The following CNTN5 variants were observed in gnomAD, a reference collection of about 807,000 sequenced individuals.
The protein encoded by CNTN5 is contactin 5, also known as contactin-5.
A neutral mutation model predicts 129.1 loss-of-function variants in CNTN5; 77 were observed. The ratio of observed to expected loss-of-function variants is 0.60; its 90% CI spans 0.50 to 0.72. The LOEUF (loss-of-function observed/expected upper bound fraction) is 0.72. Among genes scored for constraint, CNTN5 ranks in the 30% least tolerant of loss-of-function variants. CNTN5 has a pLI of 0.00. For synonymous variants in CNTN5, 509 were observed against 465.6 expected (o/e 1.09, Z -1.20); for missense variants, 1,478 against 1,328.8 (o/e 1.11, Z -1.75).
At chr11:99,854,275 A>G (rs1201139008) in intron 6 of CNTN5, among the ~76,000 whole-genome samples, 5 of 152,204 alleles carry the variant, frequency 3.3e-5, no homozygotes, top group African/African-American at 1.2e-4. Context: ...GCAAAACACA[A>G]TTCTGACTAG....
At chr11:99,989,433 G>T (rs563633968) in intron 8 of CNTN5, among the ~76,000 whole-genome samples, 35 of 151,804 alleles carry the variant, frequency 2.3e-4, no homozygotes, top group Non-Finnish European at 3.7e-4. Context: ...CTTGGTGGCA[G>T]GTCATAAAAA....
At chr11:99,243,736 A>ATTTT (rs35250111) in intron 1 of CNTN5, among the ~76,000 whole-genome samples, 7 of 117,654 alleles carry the variant, frequency 5.9e-5, no homozygotes, top group African/African-American at 2.3e-4. Flanking sequence ...CCTATTGCTT[A>ATTTT]TTTTTTTTTT....
chr11:99,434,173 T>TGTGATG (rs1321935366), intron 2 of CNTN5, among the ~76,000 whole-genome samples: 4 of 152,170 alleles, frequency 2.6e-5, no homozygotes, highest in Admixed American at 2.0e-4. Flanking sequence ...ATTAAGACTA[T>TGTGATG]GTGATGTATT....
chr11:99,552,804 T>TTCTTTCTC (rs1190866424), intron 2 of CNTN5, among the ~76,000 whole-genome samples: 1 of 152,112 alleles, frequency 6.6e-6, no homozygotes, highest in Non-Finnish European at 1.5e-5. Context: ...TAATAGATAT[T>TTCTTTCTC]TCTTTCTCTC....
chr11:99,709,973 A>T (rs2134943743), intron 3 of CNTN5, among the ~76,000 whole-genome samples: 1 of 152,006 alleles, frequency 6.6e-6, no homozygotes, highest in East Asian at 1.9e-4. Context: ...TTTCTGCATA[A>T]GCTGTGTCTT....
intron 4 of CNTN5, among the ~76,000 whole-genome samples, chr11:99,830,543 C>G (rs1239597754): frequency 2.0e-5 from 3 of 152,088 alleles, no homozygotes; most frequent in Non-Finnish European, 2.9e-5. Context: ...TTGAGAGACA[C>G]AAGCACAAAA....
At chr11:100,309,083 G>T (rs951247785) in intron 21 of CNTN5, 2 of 984,950 alleles carry the variant, frequency 2.0e-6, no homozygotes, top group Non-Finnish European at 2.4e-6. Flanking sequence ...ATGATAACAA[G>T]GTTTGGCTTC....
At chr11:99,070,460 G>T (rs1865297357) in intron 1 of CNTN5, among the ~76,000 whole-genome samples, 1 of 151,986 alleles carries the variant, frequency 6.6e-6, no homozygotes, top group South Asian at 2.1e-4. Flanking sequence ...AACAGCCTGA[G>T]CCCCTATATC....
At chr11:99,188,142 T>G (rs1273088186) in intron 1 of CNTN5, among the ~76,000 whole-genome samples, 3 of 151,884 alleles carry the variant, frequency 2.0e-5, no homozygotes, top group Non-Finnish European at 1.5e-5. Flanking sequence ...ATTAGTTATA[T>G]ATCATACAGG....
chr11:99,552,386 G>C (rs955174652), intron 2 of CNTN5, among the ~76,000 whole-genome samples: 73 of 152,160 alleles, frequency 4.8e-4, no homozygotes, highest in African/African-American at 1.7e-3. Context: ...CCATGGATAT[G>C]ACATTCTAGT....
At chr11:100,004,490 C>T in intron 9 of CNTN5, among the ~76,000 whole-genome samples, 1 of 152,218 alleles carries the variant, frequency 6.6e-6, no homozygotes, top group Non-Finnish European at 1.5e-5. Flanking sequence ...TTTTTAATCC[C>T]TTTTTTACAG....
chr11:99,506,811 T>G (rs573771743), intron 2 of CNTN5, among the ~76,000 whole-genome samples: 2 of 152,322 alleles, frequency 1.3e-5, no homozygotes, highest in Middle Eastern at 6.8e-3. Context: ...AGTCACTACA[T>G]TATTTGTTAT....
At chr11:100,090,758 T>C (rs896174212) in intron 13 of CNTN5, among the ~76,000 whole-genome samples, 2 of 151,820 alleles carry the variant, frequency 1.3e-5, no homozygotes, top group Non-Finnish European at 2.9e-5. Flanking sequence ...ATATCTATCA[T>C]TGATTTATAT....
At position 99,247,626 on chromosome 11, in the gene CNTN5, A is replaced by G. The variant is rs1861880776; in HGVS notation, c.-209-77720A>G. On this transcript the variant is annotated intron_variant, in intron 1 of 24. Transcript: ENST00000524871. ...TCCCTCCCCCTTTCCCCCATCCCAC[A>G]ACAGGCCCTGGTGTGTGATGTTCCC... 4.0e-5 allele frequency among the ~76,000 whole-genome samples: 6 copies of G among 151,520 alleles called. No homozygotes were observed. In the South Asian group the frequency reaches 1.2e-3, roughly 31 times the overall value.
chr11:99,134,394 C>A (rs545845864), intron 1 of CNTN5, among the ~76,000 whole-genome samples: 1 of 152,058 alleles, frequency 6.6e-6, no homozygotes, highest in Non-Finnish European at 1.5e-5. Flanking sequence ...TGCACTTGCA[C>A]CCTGGAACAT....
At chr11:99,721,874 A>C (rs1943184842) in intron 3 of CNTN5, among the ~76,000 whole-genome samples, 1 of 152,134 alleles carries the variant, frequency 6.6e-6, no homozygotes, top group South Asian at 2.1e-4. Flanking sequence ...GCCAACAAAC[A>C]TATGGAAAAA....
intron 1 of CNTN5, among the ~76,000 whole-genome samples, chr11:99,076,645 A>T (rs1164199148): frequency 6.6e-6 from 1 of 152,208 alleles, no homozygotes; most frequent in Non-Finnish European, 1.5e-5. Context: ...TCCTATAGAT[A>T]TATTCACAAA....
intron 3 of CNTN5, among the ~76,000 whole-genome samples, chr11:99,791,236 G>T (rs530435169): frequency 6.6e-6 from 1 of 151,760 alleles, no homozygotes; most frequent in Non-Finnish European, 1.5e-5. Context: ...TGTTCAGCAT[G>T]GTATTTCCTA....
chr11:99,271,520 C>T (rs2135857569), intron 1 of CNTN5, among the ~76,000 whole-genome samples: 1 of 151,852 alleles, frequency 6.6e-6, no homozygotes, highest in East Asian at 1.9e-4. Flanking sequence ...CAAATTACTC[C>T]AAAATTCATA....
Sources: allele counts gnomAD v4.1 joint callset (sites outside exome capture counted in the v4.1 genomes callset), GRCh38; gene constraint gnomAD v4.1.1; transcripts MANE v1.5; gene names NCBI Gene and HGNC (gene_info 2026-07-23, HGNC 2026-07-21).